PAM: variants seen among roughly 807,000 people sequenced by gnomAD.
PAM encodes the protein peptidylglycine alpha-amidating monooxygenase.
A neutral mutation model predicts 122.1 loss-of-function variants in PAM; 72 were observed. The observed-to-expected ratio is 0.59, with a 90% confidence interval of 0.49 to 0.72. The LOEUF (loss-of-function observed/expected upper bound fraction) is 0.72, where lower values mean the gene tolerates loss of function less well. Among genes scored for constraint, PAM ranks in the 30% least tolerant of loss-of-function variants. The pLI is 0.00. For synonymous variants in PAM, 389 were observed against 404.4 expected (o/e 0.96, Z 0.46); for missense variants, 1,106 against 1,183.7 (o/e 0.93, Z 0.96).
chr5:102,999,993 A>G (rs1164826241), intron 16 of PAM, among the ~76,000 whole-genome samples: 1 of 152,198 alleles, frequency 6.6e-6, no homozygotes, highest in Non-Finnish European at 1.5e-5. Flanking sequence ...GCTGGCTTGA[A>G]TATCTCCTCA....
chr5:102,780,847 C>T (rs933905485), intron 1 of PAM, among the ~76,000 whole-genome samples: 1 of 135,300 alleles, frequency 7.4e-6, no homozygotes, highest in African/African-American at 2.8e-5. Context: ...CTGTCTTTCT[C>T]TCTCTCTCTC....
At chr5:102,970,407 T>C (rs955958453) in intron 14 of PAM, among the ~76,000 whole-genome samples, 3 of 152,170 alleles carry the variant, frequency 2.0e-5, no homozygotes, top group Non-Finnish European at 4.4e-5. Flanking sequence ...AAAATTCTTT[T>C]GGACAGTGTT....
intron 12 of PAM, among the ~76,000 whole-genome samples, chr5:102,956,010 A>T (rs1368966489): frequency 6.6e-6 from 1 of 152,094 alleles, no homozygotes; most frequent in Non-Finnish European, 1.5e-5. Context: ...AGGAGCTCAG[A>T]GTTACCTTGA....
chr5:102,902,071 G>A (rs1165907623), intron 4 of PAM, among the ~76,000 whole-genome samples: 1 of 151,622 alleles, frequency 6.6e-6, no homozygotes, highest in African/African-American at 2.4e-5. Context: ...ACATTTAACT[G>A]TTTAGGGAAG....
At chr5:102,988,694 A>AG (rs1772930934) in intron 15 of PAM, among the ~76,000 whole-genome samples, 5 of 110,308 alleles carry the variant, frequency 4.5e-5, no homozygotes, top group South Asian at 2.6e-4. Context: ...AAAGAAGGAA[A>AG]GAAAGAGAAA....
At chr5:102,781,272 A>T (rs1758877667) in intron 1 of PAM, among the ~76,000 whole-genome samples, 2 of 152,182 alleles carry the variant, frequency 1.3e-5, no homozygotes, top group African/African-American at 2.4e-5. Context: ...GGTTGAAATT[A>T]TGTACAGTAT....
At chr5:102,975,544 A>T (rs980553174) in intron 15 of PAM, among the ~76,000 whole-genome samples, 1 of 152,158 alleles carries the variant, frequency 6.6e-6, no homozygotes, top group Non-Finnish European at 1.5e-5. Context: ...GTTTCTCATG[A>T]GGTGGTCCCT....
At chr5:102,759,834 G>T (rs1025129124) in intron 1 of PAM, among the ~76,000 whole-genome samples, 1 of 152,184 alleles carries the variant, frequency 6.6e-6, no homozygotes, top group Non-Finnish European at 1.5e-5. Context: ...AACAAGATGA[G>T]ATTTGTGTTA....
chr5:102,909,221 C>T (rs1800644958), intron 4 of PAM, among the ~76,000 whole-genome samples: 1 of 151,652 alleles, frequency 6.6e-6, no homozygotes, highest in Non-Finnish European at 1.5e-5. Context: ...GATAGGAACA[C>T]AATCACTAGA....
At chr5:102,977,489 T>G (rs756124593) in intron 15 of PAM, among the ~76,000 whole-genome samples, 3 of 152,122 alleles carry the variant, frequency 2.0e-5, no homozygotes, top group Non-Finnish European at 4.4e-5. Flanking sequence ...TCATGACTTT[T>G]GGTGAAGATC....
Position 102,908,294 on chromosome 5 carries a change from G to A in PAM, c.269-5640G>A, listed in dbSNP as rs1195469458. 1.6e-4 allele frequency among the ~76,000 whole-genome samples: 24 copies of A among 151,760 alleles called. No individual in the cohort carries two copies. The East Asian group carries it at 1.8e-3, about 11-fold the overall frequency. ...GATCAGATAGTTGTAGATATGCGGCGTTATTTCTGAGGGCTCTGTTCTGTT... is the reference window on the plus strand; with the variant it reads ...GATCAGATAGTTGTAGATATGCGGCATTATTTCTGAGGGCTCTGTTCTGTT... On this transcript the variant is annotated intron_variant, in intron 4 of 25. Coordinates refer to ENST00000438793, the MANE Select transcript of PAM (RefSeq NM_001177306.2).
chr5:102,819,866 C>A (rs1480467681), intron 1 of PAM, among the ~76,000 whole-genome samples: 1 of 151,820 alleles, frequency 6.6e-6, no homozygotes, highest in Non-Finnish European at 1.5e-5. Flanking sequence ...GATTGGCAGA[C>A]ACTCTGTGAT....
rs780406098 is a variant in PAM at position 103,028,870 on chromosome 5, T to C, written c.2744-17T>C. 4 of 1,580,988 alleles carry C rather than the reference T, an allele frequency of 2.5e-6. No homozygotes were observed. In the Admixed American group the frequency reaches 7.3e-5, roughly 29 times the overall value. ...TGCAAACTTTACCCAATTCTGTTAT[T>C]GTTTGCTTTTTTTCAGGAAAGGGAA... On this transcript the variant is annotated splice_polypyrimidine_tract_variant and intron_variant, in intron 25 of 25. Coordinates refer to ENST00000438793, the MANE Select transcript of PAM (RefSeq NM_001177306.2).
intron 3 of PAM, among the ~76,000 whole-genome samples, chr5:102,874,338 T>C (rs1788467454): frequency 6.6e-6 from 1 of 152,236 alleles, no homozygotes; most frequent in Non-Finnish European, 1.5e-5. Flanking sequence ...ATGGCTTTTG[T>C]AAACGACAAA....
intron 1 of PAM, among the ~76,000 whole-genome samples, chr5:102,831,318 A>C (rs1312500430): frequency 6.6e-6 from 1 of 152,222 alleles, no homozygotes; most frequent in Non-Finnish European, 1.5e-5. Context: ...TTATCTTGTT[A>C]AAAATATCAT....
At chr5:102,860,092 T>C (rs1376838414) in intron 1 of PAM, among the ~76,000 whole-genome samples, 1 of 152,206 alleles carries the variant, frequency 6.6e-6, no homozygotes, top group Non-Finnish European at 1.5e-5. Context: ...TGTTCAAAAA[T>C]TGATGTCTTT....
At chr5:102,993,343 C>A (rs1231893082) in intron 16 of PAM, among the ~76,000 whole-genome samples, 1 of 152,036 alleles carries the variant, frequency 6.6e-6, no homozygotes, top group Non-Finnish European at 1.5e-5. Context: ...AATAACTGTT[C>A]CTGAGTTTCT....
chr5:102,792,738 A>C (rs543183392), intron 1 of PAM, among the ~76,000 whole-genome samples: 1 of 152,212 alleles, frequency 6.6e-6, no homozygotes, highest in Non-Finnish European at 1.5e-5. Flanking sequence ...TTTGTAACAC[A>C]TGATTACCAT....
At chr5:103,028,344 G>A in intron 25 of PAM, 106 bp downstream of exon 25, 2 of 811,956 alleles carry the variant, frequency 2.5e-6, no homozygotes, top group Non-Finnish European at 4.2e-6. Flanking sequence ...TGAAGATAAA[G>A]CACCTTGTAT....
Sources: allele counts gnomAD v4.1 joint callset (sites outside exome capture counted in the v4.1 genomes callset), GRCh38; gene constraint gnomAD v4.1.1; transcripts MANE v1.5; gene names NCBI Gene and HGNC (gene_info 2026-07-23, HGNC 2026-07-21).